Variants in DENND3 observed in about 807,000 individuals in gnomAD.
DENND3 encodes DENN domain containing 3.
In DENND3, 88 loss-of-function variants were observed where a neutral mutation model predicts 135.1. The observed-to-expected ratio is 0.65, with a 90% confidence interval of 0.55 to 0.78. DENND3 has a LOEUF of 0.78. Among genes scored for constraint, DENND3 ranks in the 30% least tolerant of loss-of-function variants. The pLI is 0.00. For missense variants in DENND3, 1,392 were observed against 1,688.4 expected (o/e 0.82, Z 3.08); for synonymous variants, 693 against 712.3 (o/e 0.97, Z 0.43).
intron 18 of DENND3, among the ~76,000 whole-genome samples, chr8:141,187,084 C>T (rs1372828956): frequency 6.6e-6 from 1 of 152,172 alleles, no homozygotes; most frequent in African/African-American, 2.4e-5. Context: ...CGCATCTACA[C>T]TCTCCTCCTA....
intron 16 of DENND3, 43 bp downstream of exon 16, chr8:141,178,239 C>T: frequency 1.3e-6 from 2 of 1,581,906 alleles, no homozygotes; most frequent in Non-Finnish European, 1.7e-6. Flanking sequence ...GTCCTGATTA[C>T]ACGCCTTAAG....
chr8:141,181,552 C>A (rs1030537152), intron 17 of DENND3, among the ~76,000 whole-genome samples: 1 of 152,146 alleles, frequency 6.6e-6, no homozygotes, highest in Non-Finnish European at 1.5e-5. Flanking sequence ...TTCCTGGGAC[C>A]CTGCACGCCG....
chr8:141,186,104 A>C (rs560934383), intron 18 of DENND3, among the ~76,000 whole-genome samples: 59 of 151,474 alleles, frequency 3.9e-4, no homozygotes, highest in African/African-American at 1.2e-3. Flanking sequence ...ATGCCTGGCT[A>C]ATTTTGTATT....
chr8:141,142,284 A>G, intron 4 of DENND3: 3 of 437,226 alleles, frequency 6.9e-6, no homozygotes, highest in South Asian at 4.9e-5. Context: ...GAGAATTTAT[A>G]TTTGTTTGAT....
chr8:141,144,920 G>T lies in DENND3; in HGVS notation c.735+661G>T, dbSNP rs1817868404. ...GGTATAGCATCCATGACAGATAGCAGACCCTGAAGAAAATCAAAGTATTTT... is the reference window on the plus strand; with the variant it reads ...GGTATAGCATCCATGACAGATAGCATACCCTGAAGAAAATCAAAGTATTTT... On this transcript the variant is annotated intron_variant, in intron 5 of 22. Transcript: ENST00000519811. This position sits in a 1 kb window ranked among gnomAD's most constrained non-coding sequence, Gnocchi z 4.4. Among the ~76,000 whole-genome samples the T allele has an allele frequency of 6.6e-6, 1 of 152,214 alleles. No individual in the cohort carries two copies. Among genetic ancestry groups the T allele is most frequent in the Admixed American group, 6.5e-5 (1 of 15,272 alleles).
At chr8:141,136,473 G>A (rs1447775931) in intron 1 of DENND3, 36 bp from the exon 2 acceptor site, 7 of 1,513,670 alleles carry the variant, frequency 4.6e-6, no homozygotes, top group Non-Finnish European at 5.3e-6. Flanking sequence ...CAAGAGCTGA[G>A]GCTGTGGCAG....
chr8:141,189,527 T>C (rs111916491), intron 19 of DENND3, among the ~76,000 whole-genome samples: 15 of 152,350 alleles, frequency 9.8e-5, no homozygotes, highest in African/African-American at 3.6e-4. Context: ...GGCTGCCTGT[T>C]CGCTGCTGTT....
intron 8 of DENND3, among the ~76,000 whole-genome samples, chr8:141,156,791 C>CTTTTT (rs34035594): frequency 1.6e-5 from 2 of 123,186 alleles, no homozygotes; most frequent in Admixed American, 8.7e-5. Context: ...TTTTTCTTTC[C>CTTTTT]TTTTTTTTTT....
chr8:141,175,594 T>TC lies in DENND3; in HGVS notation c.2535+138dup. Reference sequence around the variant, plus strand: ...CTTCTGCAGACCGAATGCCTTCCTGTCCCTCAGTTTGCTCATCTGTAAAGT... The same window carrying TC: ...CTTCTGCAGACCGAATGCCTTCCTGTCCCCTCAGTTTGCTCATCTGTAAAGT... On this transcript the variant is annotated intron_variant, in intron 14 of 22. Coordinates refer to ENST00000519811, the MANE Select transcript of DENND3 (RefSeq NM_001352890.3). This position sits in a 1 kb window ranked among gnomAD's most constrained non-coding sequence, Gnocchi z 5.4. 1 of 1,362,748 alleles carries TC rather than the reference T, an allele frequency of 7.3e-7. No individual in the cohort carries two copies. The highest frequency in any genetic ancestry group is 2.4e-5 in the East Asian group (1 of 41,832). 84.4% of individuals were successfully genotyped at this position (1,362,748 alleles called of 1,614,324 possible).
rs369615307 is a variant in DENND3 at position 141,168,077 on chromosome 8, C to T, written c.1827C>T (p.Cys609=). ...TCCACTTTCCGCTGGAGAGCAAGTGCGTGCAGGCATACCATGCCCACTTTG... is the reference window on the plus strand; with the variant it reads ...TCCACTTTCCGCTGGAGAGCAAGTGTGTGCAGGCATACCATGCCCACTTTG... ...PEIHFPLESK[C]VQAYHAHFVS... is the part of the protein sequence containing the mutation. The change falls in exon 13 of 23, where the codon TGC becomes TGT. Residue 609 remains cysteine (C), a synonymous_variant. Transcript: ENST00000519811. This position sits in a 1 kb window ranked among gnomAD's most constrained non-coding sequence, Gnocchi z 6.2. 19 of 1,614,022 alleles carry T rather than the reference C, an allele frequency of 1.2e-5. No individual in the cohort carries two copies. Among genetic ancestry groups the T allele is most frequent in the African/African-American group, 1.1e-4 (8 of 74,924 alleles).
In DENND3 at chr8:141,154,503, C is replaced by T. The variant is rs192590555; in HGVS notation, c.1075-1346C>T. Among the ~76,000 whole-genome samples, 23 of 152,122 alleles carry T rather than the reference C, an allele frequency of 1.5e-4. No individual in the cohort carries two copies. Among genetic ancestry groups the T allele is most frequent in the Admixed American group, 7.8e-4 (12 of 15,290 alleles). On this transcript the variant is annotated intron_variant, in intron 7 of 22. Coordinates refer to ENST00000519811, the MANE Select transcript of DENND3 (RefSeq NM_001352890.3). This position sits in a 1 kb window ranked among gnomAD's most constrained non-coding sequence, Gnocchi z 4.4. Reference sequence around the variant, plus strand: ...CAAGACTCCCAAAAAGCAGTACATGCAGTGTTTGTTCCAGGGTAGGAGAAA... The same window carrying T: ...CAAGACTCCCAAAAAGCAGTACATGTAGTGTTTGTTCCAGGGTAGGAGAAA...
At position 141,182,063 on chromosome 8, in the gene DENND3, T is replaced by C. The variant is rs111920887; in HGVS notation, c.2944+1209T>C. ...TCTCCACCTTGGCCTCCCGAAGCGC[T>C]GGGATTACAGGTGTGAGCCACTGCG... On this transcript the variant is annotated intron_variant, in intron 17 of 22. Coordinates refer to ENST00000519811, the MANE Select transcript of DENND3 (RefSeq NM_001352890.3). This position sits in a 1 kb window ranked among gnomAD's most constrained non-coding sequence, Gnocchi z 5.9. Among the ~76,000 whole-genome samples, 839 of 152,328 alleles carry C rather than the reference T, an allele frequency of 5.5e-3. 8 individuals are homozygous for C. The highest frequency in any genetic ancestry group is 0.02 in the African/African-American group (814 of 41,572).
chr8:141,132,389 C>T (rs183421290), intron 1 of DENND3, among the ~76,000 whole-genome samples: 123 of 152,060 alleles, frequency 8.1e-4, no homozygotes, highest in Admixed American at 1.9e-3. Context: ...TGGAGTTTCA[C>T]GCTTGTTGCC....
At chr8:141,185,390 C>T (rs1413249203) in intron 18 of DENND3, 112 bp downstream of exon 18, 24 of 1,409,838 alleles carry the variant, frequency 1.7e-5, no homozygotes, top group East Asian at 9.3e-5. Flanking sequence ...CAGCCTCACT[C>T]GGTTTCTGTA....
At chr8:141,185,101 GT>G in intron 17 of DENND3, 37 bp from the exon 18 acceptor site, 8 of 1,592,274 alleles carry the variant, frequency 5.0e-6, no homozygotes, top group Non-Finnish European at 6.9e-6. Flanking sequence ...CAGCAGAAGT[GT>G]TTCCTCCTAA....
At position 141,189,082 on chromosome 8, in the gene DENND3, C is replaced by A. The variant is rs1310814154; in HGVS notation, c.3181C>A (p.Gln1061Lys). Residue 1061 changes from glutamine (Q) to lysine (K), a missense_variant, in exon 19 of 23, where the codon CAG becomes AAG. Coordinates refer to ENST00000519811, the MANE Select transcript of DENND3 (RefSeq NM_001352890.3). ...CGTCCACAGCATGTCCTGCAACAAG[C>A]AGCTCACAGCCCACTGCTCCAGTGT... ...INVHSMSCNKQLTAHCSSVTD... is the reference protein window; with the variant it reads ...INVHSMSCNKKLTAHCSSVTD... The A allele has an allele frequency of 1.9e-6, 3 of 1,614,096 alleles. No homozygotes were observed. The highest frequency in any genetic ancestry group is 2.5e-6 in the Non-Finnish European group (3 of 1,180,036).
chr8:141,190,707 G>A, intron 20 of DENND3: 1 of 337,698 alleles, frequency 3.0e-6, no homozygotes. Flanking sequence ...GCTGTGCCCT[G>A]CTCTGGGGTT....
chr8:141,158,264 C>T (rs903467166), intron 8 of DENND3: 31 of 1,288,790 alleles, frequency 2.4e-5, no homozygotes, highest in Non-Finnish European at 2.8e-5. Context: ...CACGTGCTTT[C>T]CCAATCATCT....
rs1246338628 is a variant in DENND3 at position 141,195,155 on chromosome 8, A to G, written c.*922A>G. On this transcript the variant is annotated 3_prime_UTR_variant, in exon 23 of 23. Coordinates refer to ENST00000519811, the MANE Select transcript of DENND3 (RefSeq NM_001352890.3). Reference sequence around the variant, plus strand: ...AGCATGCTATACTGAACTCAACAAGATCTTGGCTGTACATAAATATTTGTA... The same window carrying G: ...AGCATGCTATACTGAACTCAACAAGGTCTTGGCTGTACATAAATATTTGTA... The G allele has an allele frequency of 6.6e-6, 1 of 152,268 alleles. No individual in the cohort carries two copies. The highest frequency in any genetic ancestry group is 1.5e-5 in the Non-Finnish European group (1 of 68,068). The allele number at this position is 152,268 out of a possible 1,614,324, so 9.4% of individuals were successfully genotyped here.
Sources: allele counts gnomAD v4.1 joint callset (sites outside exome capture counted in the v4.1 genomes callset), GRCh38; gene constraint gnomAD v4.1.1; non-coding constraint Gnocchi (gnomAD v3.1); transcripts MANE v1.5; gene names NCBI Gene and HGNC (gene_info 2026-07-23, HGNC 2026-07-21).